The following BIN2 variants were observed in gnomAD, a reference collection of about 807,000 sequenced individuals.
BIN2 encodes the protein breast cancer associated protein BRAP1.
A neutral mutation model predicts 67.9 loss-of-function variants in BIN2; 43 were observed. The observed-to-expected ratio is 0.63, with a 90% CI of 0.50 to 0.82. The LOEUF is 0.82. BIN2 is among the 40% of genes least tolerant of loss of function. The pLI, the probability that BIN2 is intolerant of heterozygous loss-of-function variation, is 0.00. For missense variants in BIN2, 581 were observed against 671.6 expected, an observed-to-expected ratio of 0.87 and a Z score of 1.49; for synonymous variants, 244 against 246.8, an observed-to-expected ratio of 0.99 and a Z score of 0.11.
chr12:51,292,247 T>C lies in BIN2; in HGVS notation c.859A>G (p.Lys287Glu). ...SPTSPSTLSLKSESESVSATE... is the reference protein window; with the variant it reads ...SPTSPSTLSLESESESVSATE... Reference sequence around the variant, plus strand: ...GCTGAGACAGATTCACTCTCACTCTTCAAGGAAAGTGTAGAGGGACTAGTA... The same window carrying C: ...GCTGAGACAGATTCACTCTCACTCTCCAAGGAAAGTGTAGAGGGACTAGTA... Residue 287 changes from lysine to glutamate, a missense_variant, in exon 10 of 13, where the codon AAG becomes GAG. By Grantham distance (56) the Lys-to-Glu change is moderately conservative. Transcript: ENST00000615107. 6.2e-7 allele frequency: 1 copy of C among 1,605,308 alleles called. No individual in the cohort carries two copies. Among genetic ancestry groups the C allele is most frequent in the Non-Finnish European group, 8.5e-7 (1 of 1,179,968 alleles).
At chr12:51,290,565 G>C (rs967622851) in intron 10 of BIN2, among the ~76,000 whole-genome samples, 1 of 151,222 alleles carries the variant, frequency 6.6e-6, no homozygotes, top group Non-Finnish European at 1.5e-5. Flanking sequence ...GGTGGCTCAC[G>C]CCTGTAATCC....
At chr12:51,285,500 A>T (rs1945213296) in intron 11 of BIN2, among the ~76,000 whole-genome samples, 1 of 152,144 alleles carries the variant, frequency 6.6e-6, no homozygotes, top group Non-Finnish European at 1.5e-5. Flanking sequence ...CTGCCTAGAA[A>T]CTGCTATGCT....
At chr12:51,301,470 G>T (rs1386171981) in intron 5 of BIN2, among the ~76,000 whole-genome samples, 2 of 151,914 alleles carry the variant, frequency 1.3e-5, no homozygotes, top group Admixed American at 1.3e-4. Flanking sequence ...GATCTAATTC[G>T]AAATCAGCCC....
intron 10 of BIN2, among the ~76,000 whole-genome samples, chr12:51,290,127 T>C (rs555094090): frequency 1.5e-4 from 23 of 151,354 alleles, no homozygotes; most frequent in African/African-American, 5.3e-4. Flanking sequence ...CTTTTTCTTT[T>C]TCTTTTCTTT....
At chr12:51,312,127 T>C (rs934157843) in intron 2 of BIN2, among the ~76,000 whole-genome samples, 1 of 152,036 alleles carries the variant, frequency 6.6e-6, no homozygotes, top group African/African-American at 2.4e-5. Context: ...ATGGAGTCAC[T>C]AGTGTTAAAA....
At chr12:51,302,627 A>G in intron 4 of BIN2, 59 bp downstream of exon 4, 1 of 1,379,576 alleles carries the variant, frequency 7.2e-7, no homozygotes, top group Non-Finnish European at 1.0e-6. Context: ...AGCTAAGCTG[A>G]GGTTGAGATG....
chr12:51,304,906 A>G (rs1945827855), intron 2 of BIN2, among the ~76,000 whole-genome samples: 1 of 151,996 alleles, frequency 6.6e-6, no homozygotes, highest in African/African-American at 2.4e-5. Flanking sequence ...AGTCCCAGCT[A>G]CTCAGGAGGC....
Position 51,299,286 on chromosome 12 carries a change from T to C in BIN2, c.519A>G (p.Ala173=). 6.2e-7 allele frequency: 1 copy of C among 1,613,042 alleles called. No individual in the cohort carries two copies. Among genetic ancestry groups the C allele is most frequent in the Non-Finnish European group, 8.5e-7 (1 of 1,179,042 alleles). ...KKKDEAKTAK[A]EEEFNKAQTV... Reference sequence around the variant, plus strand: ...TCTGGGCTTTGTTGAACTCTTCCTCTGCCTAGGTGGTAAAAGAGACAAGAC... The same window carrying C: ...TCTGGGCTTTGTTGAACTCTTCCTCCGCCTAGGTGGTAAAAGAGACAAGAC... Residue 173 remains alanine (A), a splice_region_variant and synonymous_variant, in exon 7 of 13, where the codon GCA becomes GCG. Transcript: ENST00000615107.
At chr12:51,324,516 A>G (rs1190432527), upstream of BIN2, 3 of 1,531,134 alleles carry the variant, frequency 2.0e-6, no homozygotes, top group South Asian at 1.2e-5. Flanking sequence ...GACCTACCAT[A>G]TCGAAAACAC....
At chr12:51,295,589 T>A (rs1368981901) in intron 9 of BIN2, among the ~76,000 whole-genome samples, 434 of 11,750 alleles carry the variant, frequency 0.037, 10 homozygotes, top group Admixed American at 0.043. Context: ...TATATATATA[T>A]ATATATATAT....
chr12:51,315,889 A>T (rs1355085788), intron 1 of BIN2, among the ~76,000 whole-genome samples: 2 of 152,164 alleles, frequency 1.3e-5, no homozygotes, highest in Non-Finnish European at 2.9e-5. Flanking sequence ...ATAAACAGGC[A>T]ATTACATGTA....
At chr12:51,298,136 G>T (rs954309016) in intron 7 of BIN2, among the ~76,000 whole-genome samples, 1 of 152,174 alleles carries the variant, frequency 6.6e-6, no homozygotes, top group Admixed American at 6.6e-5. Flanking sequence ...CACTTTGGGA[G>T]GCTGAGGTAG....
chr12:51,319,580 A>G (rs538445005), intron 1 of BIN2, among the ~76,000 whole-genome samples: 2 of 152,334 alleles, frequency 1.3e-5, no homozygotes, highest in South Asian at 4.1e-4. Flanking sequence ...TTCTGTCCCA[A>G]TTTATCTGGC....
intron 1 of BIN2, among the ~76,000 whole-genome samples, chr12:51,319,916 T>A (rs1025025625): frequency 3.3e-5 from 5 of 152,200 alleles, no homozygotes; most frequent in Non-Finnish European, 2.9e-5. Context: ...AATTTTTTCT[T>A]AGGTGCAGTA....
intron 5 of BIN2, among the ~76,000 whole-genome samples, chr12:51,301,078 C>A (rs1233322473): frequency 6.6e-6 from 1 of 152,006 alleles, no homozygotes; most frequent in East Asian, 1.9e-4. Flanking sequence ...ATTAGCTGGG[C>A]TTGGTGACGC....
At chr12:51,285,327 C>A (rs1945208677) in intron 11 of BIN2, among the ~76,000 whole-genome samples, 1 of 152,100 alleles carries the variant, frequency 6.6e-6, no homozygotes, top group Admixed American at 6.6e-5. Context: ...CACCTGTAGT[C>A]CCAGCTCCTT....
intron 11 of BIN2, among the ~76,000 whole-genome samples, chr12:51,287,111 G>A (rs1302602843): frequency 2.0e-5 from 3 of 151,388 alleles, no homozygotes; most frequent in African/African-American, 7.3e-5. Context: ...GCCACCTTGG[G>A]AGGTTGAGGC....
Position 51,292,105 on chromosome 12 carries a change from T to A in BIN2, c.1001A>T (p.Asp334Val), listed in dbSNP as rs1945400468. The A allele has an allele frequency of 6.2e-7, 1 of 1,614,048 alleles. No homozygotes were observed. The part of the protein sequence containing the change: ...EGSEASSSEE[D>V]EPLPACNGPA... ...GCCATTGCAGGCTGGTAGAGGCTCA[T>A]CTTCCTCAGAGGAGCTTGCTTCAGA... Residue 334 changes from aspartate (D) to valine (V), a missense_variant, in exon 10 of 13, where the codon GAT (aspartate) becomes GTT (valine). Physicochemically the swap from Asp to Val is radical, Grantham distance 152. Transcript: ENST00000615107.
intron 1 of BIN2, chr12:51,322,980 A>C (rs1337296060): frequency 6.6e-6 from 1 of 152,212 alleles, no homozygotes; most frequent in Non-Finnish European, 1.5e-5. Context: ...CCACTTTTAG[A>C]AGATAATAGG....
Sources: gnomAD v4.1 joint callset for allele counts (sites outside exome capture counted in the v4.1 genomes callset) on GRCh38, gnomAD v4.1.1 for gene constraint, MANE v1.5 for transcripts, NCBI Gene and HGNC (gene_info 2026-07-23, HGNC 2026-07-21) for gene names.